Variants in ASPRV1 observed in about 807,000 individuals in gnomAD.
ASPRV1 encodes retroviral-like aspartic protease 1.
ASPRV1 carries 7 observed loss-of-function variants against 11.0 expected under a neutral mutation model. The observed-to-expected ratio is 0.64, with a 90% CI of 0.36 to 1.20. ASPRV1 has a LOEUF of 1.20. Among genes scored for constraint, ASPRV1 ranks in the 50% most tolerant of loss-of-function variants. The pLI, the probability that ASPRV1 is intolerant of heterozygous loss-of-function variation, is 0.02. For missense variants in ASPRV1, 299 were observed against 320.0 expected (o/e 0.93, Z 0.50); for synonymous variants, 136 against 138.4 (o/e 0.98, Z 0.12).
the ASPRV1 span, among the ~76,000 whole-genome samples, chr2:70,002,438 G>A: frequency 3.3e-5 from 5 of 152,234 alleles, no homozygotes; most frequent in South Asian, 8.3e-4. Flanking sequence ...TGTCACTTCT[G>A]TGCCCAAGAT....
chr2:70,086,185 G>A, the ASPRV1 span: 1 of 152,138 alleles, frequency 6.6e-6, no homozygotes, highest in South Asian at 2.1e-4. Context: ...AGGCCCCGGG[G>A]AGGAAGAGGG....
In ASPRV1 at chr2:69,960,447, G is replaced by C. The variant is rs1385471504; in HGVS notation, c.*210C>G. The C allele has an allele frequency of 1.7e-6, 1 of 573,718 alleles. No homozygotes were observed. The highest frequency in any genetic ancestry group is 3.1e-6 in the Non-Finnish European group (1 of 326,060). 35.5% of individuals were successfully genotyped at this position (573,718 alleles called of 1,614,324 possible). A position where few individuals can be genotyped will look rare whatever the true frequency, so the allele number is the denominator to read the frequency against. On this transcript the variant is annotated 3_prime_UTR_variant, in exon 1 of 1. Transcript: ENST00000320256. The stretch of plus-strand genomic sequence containing the variant: ...ATGGGGACCCTGTCCCTCTAAGCCA[G>C]CCTGCTCTCCCTCACCTGTGCCTGT...
chr2:70,079,200 G>A, the ASPRV1 span, among the ~76,000 whole-genome samples: 1 of 152,142 alleles, frequency 6.6e-6, no homozygotes, highest in African/African-American at 2.4e-5. Context: ...CTTGAGTTCA[G>A]GGAAAGACAT....
the ASPRV1 span, among the ~76,000 whole-genome samples, chr2:70,010,880 A>G: frequency 1.3e-5 from 2 of 152,280 alleles, no homozygotes; most frequent in Non-Finnish European, 1.5e-5. Flanking sequence ...TGAGTGCTGG[A>G]GGTCAGGACA....
chr2:70,066,698 A>T, the ASPRV1 span, among the ~76,000 whole-genome samples: 2 of 152,080 alleles, frequency 1.3e-5, no homozygotes, highest in South Asian at 4.1e-4. Flanking sequence ...CCCAAGCTCA[A>T]ATGATCCTCC....
At chr2:69,991,696 C>T in the ASPRV1 span, among the ~76,000 whole-genome samples, 5,686 of 152,140 alleles carry the variant, frequency 0.037, 365 homozygotes, top group African/African-American at 0.13. Context: ...TACAGGTATG[C>T]ACCACCAGAC....
chr2:70,039,986 G>A, the ASPRV1 span, among the ~76,000 whole-genome samples: 48 of 152,306 alleles, frequency 3.2e-4, no homozygotes, highest in Middle Eastern at 0.01. Context: ...TTTGGAAAGG[G>A]AAAGAGAATG....
At chr2:70,058,551 A>AT in the ASPRV1 span, among the ~76,000 whole-genome samples, 5,285 of 138,700 alleles carry the variant, frequency 0.038, 96 homozygotes, top group Middle Eastern at 0.066. Flanking sequence ...CTCTGAAGAA[A>AT]TTTTTTTTTT....
the ASPRV1 span, among the ~76,000 whole-genome samples, chr2:70,041,397 G>A: frequency 6.6e-6 from 1 of 152,176 alleles, no homozygotes; most frequent in African/African-American, 2.4e-5. Flanking sequence ...CACCCACCCA[G>A]TCGGATTTAA....
At chr2:70,050,702 T>C in the ASPRV1 span, 12 of 152,138 alleles carry the variant, frequency 7.9e-5, no homozygotes, top group African/African-American at 2.9e-4. Flanking sequence ...GTAACCCCAA[T>C]GCTTTGAGAG....
chr2:70,066,671 C>T, the ASPRV1 span, among the ~76,000 whole-genome samples: 42 of 152,144 alleles, frequency 2.8e-4, no homozygotes, highest in African/African-American at 8.7e-4. Context: ...CATTACAGTT[C>T]GTTGCAGCTT....
the ASPRV1 span, among the ~76,000 whole-genome samples, chr2:69,987,105 C>G: frequency 1.1e-4 from 16 of 152,076 alleles, no homozygotes; most frequent in South Asian, 4.2e-4. Context: ...AGGGAACAGC[C>G]GGAACGAAGA....
At chr2:70,038,745 C>A in the ASPRV1 span, among the ~76,000 whole-genome samples, 1 of 152,062 alleles carries the variant, frequency 6.6e-6, no homozygotes, top group Non-Finnish European at 1.5e-5. Context: ...TGGTAATATG[C>A]TAAGGAGAGT....
the ASPRV1 span, chr2:69,939,574 GGTTTT>G: frequency 1.3e-5 from 2 of 152,424 alleles, no homozygotes; most frequent in Non-Finnish European, 2.9e-5. Flanking sequence ...ATGACTTTGT[GGTTTT>G]ATAGATGTTC....
At chr2:69,965,368 T>C (rs1678302164), upstream of ASPRV1, among the ~76,000 whole-genome samples, 1 of 152,006 alleles carries the variant, frequency 6.6e-6, no homozygotes, top group East Asian at 1.9e-4. Context: ...TCCAATTATT[T>C]GGCTTCCCTG....
chr2:69,972,543 A>C, the ASPRV1 span, among the ~76,000 whole-genome samples: 1 of 151,930 alleles, frequency 6.6e-6, no homozygotes, highest in African/African-American at 2.4e-5. Flanking sequence ...ATTTTAGTAG[A>C]GACGGGGTTT....
the ASPRV1 span, among the ~76,000 whole-genome samples, chr2:70,057,730 C>G: frequency 4.7e-4 from 72 of 152,140 alleles, no homozygotes; most frequent in African/African-American, 1.7e-3. Flanking sequence ...TCACCCGCCT[C>G]GGCCTCCCAA....
chr2:69,938,885 C>T, the ASPRV1 span: 2 of 152,854 alleles, frequency 1.3e-5, no homozygotes, highest in Non-Finnish European at 2.9e-5. Context: ...CAGTATTTCT[C>T]ACTTTAAAAT....
the ASPRV1 span, among the ~76,000 whole-genome samples, chr2:70,004,105 G>T: frequency 1.3e-5 from 2 of 152,292 alleles, no homozygotes; most frequent in East Asian, 3.9e-4. Context: ...GCCACAAACG[G>T]AGTCTTCTAA....
Sources: allele counts gnomAD v4.1 joint callset (sites outside exome capture counted in the v4.1 genomes callset), GRCh38; gene constraint gnomAD v4.1.1; transcripts MANE v1.5; gene names NCBI Gene and HGNC (gene_info 2026-07-23, HGNC 2026-07-21).